Variants in ASGR2 observed in about 807,000 individuals in gnomAD.
ASGR2 encodes asialoglycoprotein receptor 2.
Under a neutral mutation model 32.3 loss-of-function variants are expected in ASGR2, and 34 were observed. The ratio of observed to expected loss-of-function variants is 1.05; its 90% confidence interval spans 0.80 to 1.40. The LOEUF (loss-of-function observed/expected upper bound fraction) is 1.40, where lower values mean the gene tolerates loss of function less well. ASGR2 is among the 40% of genes most tolerant of loss of function. The pLI, the probability that ASGR2 is intolerant of heterozygous loss-of-function variation, is 0.00. For synonymous variants in ASGR2, 143 were observed against 150.0 expected, an observed-to-expected ratio of 0.95 and a Z score of 0.34; for missense variants, 385 against 386.4, an observed-to-expected ratio of 1.00 and a Z score of 0.03.
chr17:7,102,047 C>T, intron 8 of ASGR2, 43 bp downstream of exon 8: 1 of 1,578,386 alleles, frequency 6.3e-7, no homozygotes, highest in Non-Finnish European at 8.7e-7. Context: ...GGGGGCTGTC[C>T]CCAGAGAAAT....
rs142091079 is a variant in ASGR2, at chr17:7,110,774, A to G, written c.125-1886T>C. ...CCCCAGAAACAATCAAAACAAAAAC[A>G]GACAACTATAGAACATGGCAGCTTT... is the stretch of plus-strand genomic sequence containing the variant. On this transcript the variant is annotated intron_variant, in intron 2 of 8. Coordinates refer to ENST00000691900, the MANE Select transcript of ASGR2 (RefSeq NM_001201352.2). Among the ~76,000 whole-genome samples, 4 of 152,354 alleles carry G rather than the reference A, an allele frequency of 2.6e-5. No homozygotes were observed. The East Asian group carries it at 7.7e-4, about 29-fold the overall frequency.
At position 7,107,757 on chromosome 17, in the gene ASGR2, C is replaced by T. The variant is rs769568182; in HGVS notation, c.409+79G>A. 1 of 521,168 alleles carries T rather than the reference C, an allele frequency of 1.9e-6. No homozygotes were observed. The highest frequency in any genetic ancestry group is 3.0e-6 in the Non-Finnish European group (1 of 337,158). The allele number at this position is 521,168 out of a possible 1,614,324, so 32.3% of individuals were successfully genotyped here. A position where few individuals can be genotyped will look rare whatever the true frequency, so the allele number is the denominator to read the frequency against. On this transcript the variant is annotated intron_variant, in intron 5 of 8. Coordinates refer to ENST00000691900, the MANE Select transcript of ASGR2 (RefSeq NM_001201352.2). This position sits in a 1 kb window ranked among gnomAD's most constrained non-coding sequence, Gnocchi z 5.0. The stretch of plus-strand genomic sequence containing the variant: ...CGCACGCACACGTGCACACTACACA[C>T]ACCGCACACGTACACACTACACACA...
Position 7,114,117 on chromosome 17 carries a change from C to T in ASGR2, c.124G>A (p.Gly42Arg). Residue 42 changes from glycine (G) to arginine (R), a missense_variant and splice_region_variant, in exon 2 of 9, where the codon GGG (glycine) becomes AGG (arginine). Coordinates refer to ENST00000691900, the MANE Select transcript of ASGR2 (RefSeq NM_001201352.2). The surrounding 1 kb of genome is among the most constrained non-coding windows in gnomAD (Gnocchi z 4.5). ...NPRRGNPFLK[G>R]PPPAQPLAQR... ...AAAGCCGCAGAAACTGCACACTTGC[C>T]TTTCAAAAATGGATTTCCTCTCCTG... 1 of 1,614,198 alleles carries T rather than the reference C, an allele frequency of 6.2e-7. No individual in the cohort carries two copies. The highest frequency in any genetic ancestry group is 8.5e-7 in the Non-Finnish European group (1 of 1,180,018).
rs1199738724 is a variant in ASGR2, at chr17:7,113,838, C to G, written c.124+279G>C. Among the ~76,000 whole-genome samples the G allele has an allele frequency of 6.6e-6, 1 of 152,160 alleles. No homozygotes were observed. Among genetic ancestry groups the G allele is most frequent in the Non-Finnish European group, 1.5e-5 (1 of 68,042 alleles). ...CAGAGTCCCAGCTGAATCTGCATTCCTCATATGCACATACGTGCACACGCA... is the reference window on the plus strand; with the variant it reads ...CAGAGTCCCAGCTGAATCTGCATTCGTCATATGCACATACGTGCACACGCA... On this transcript the variant is annotated intron_variant, in intron 2 of 8. Transcript: ENST00000691900. This position sits in a 1 kb window ranked among gnomAD's most constrained non-coding sequence, Gnocchi z 5.1.
rs1915225266 is a variant in ASGR2 at position 7,114,491 on chromosome 17, G to A, written c.-71+124C>T. Reference sequence around the variant, plus strand: ...CGCTTGGGCCTTGACCTGGCCAGGAGACCCCTCCCCACGCTCATGGACCCG... The same window carrying A: ...CGCTTGGGCCTTGACCTGGCCAGGAAACCCCTCCCCACGCTCATGGACCCG... On this transcript the variant is annotated intron_variant, in intron 1 of 8. Coordinates refer to ENST00000691900, the MANE Select transcript of ASGR2 (RefSeq NM_001201352.2). This position sits in a 1 kb window ranked among gnomAD's most constrained non-coding sequence, Gnocchi z 4.5. 7.5e-7 allele frequency: 1 copy of A among 1,325,368 alleles called. No homozygotes were observed. The highest frequency in any genetic ancestry group is 3.4e-5 in the Admixed American group (1 of 29,446). 82.1% of individuals were successfully genotyped at this position (1,325,368 alleles called of 1,614,324 possible).
rs142266796 is a variant in ASGR2, at chr17:7,113,525, CAT to C, written c.124+590_124+591del. 0.18 allele frequency among the ~76,000 whole-genome samples: 25,235 copies of C among 141,694 alleles called. 2,548 individuals are homozygous for C. The highest frequency in any genetic ancestry group is 0.34 in the South Asian group (1,493 of 4,382). The allele number at this position is 141,694 out of a possible 152,430, so 93.0% of individuals were successfully genotyped here. A position where few individuals can be genotyped will look rare whatever the true frequency, so the allele number is the denominator to read the frequency against. ...ACATACACAACGTACACACACACAACATACACACACTCATACACAACATACAT... is the reference window on the plus strand; with the variant it reads ...ACATACACAACGTACACACACACAACACACACACTCATACACAACATACAT... On this transcript the variant is annotated intron_variant, in intron 2 of 8. Transcript: ENST00000691900. This position sits in a 1 kb window ranked among gnomAD's most constrained non-coding sequence, Gnocchi z 5.1.
chr17:7,108,028 C>G lies in ASGR2; in HGVS notation c.338-121G>C. ...GGCGTCCACCTCCTGGCTTCCTGGACCACACCCAGGCTCCCTGCACTGCCA... is the reference window on the plus strand; with the variant it reads ...GGCGTCCACCTCCTGGCTTCCTGGAGCACACCCAGGCTCCCTGCACTGCCA... On this transcript the variant is annotated intron_variant, in intron 4 of 8. Transcript: ENST00000691900. The surrounding 1 kb of genome is among the most constrained non-coding windows in gnomAD (Gnocchi z 4.9). 1 of 1,082,434 alleles carries G rather than the reference C, an allele frequency of 9.2e-7. No homozygotes were observed. Among genetic ancestry groups the G allele is most frequent in the East Asian group, 2.6e-5 (1 of 38,880 alleles). 67.1% of individuals were successfully genotyped at this position (1,082,434 alleles called of 1,614,324 possible).
chr17:7,105,949 C>T (rs900725117), intron 7 of ASGR2, among the ~76,000 whole-genome samples: 12 of 151,922 alleles, frequency 7.9e-5, no homozygotes, highest in South Asian at 2.1e-4. Context: ...CCACCATGCC[C>T]GGCTAATTTT....
Position 7,102,170 on chromosome 17 carries a change from G to A in ASGR2, c.675C>T (p.Pro225=), listed in dbSNP as rs1454877062. ...CCGTGAGACCTATCCAGGTATTGAAGGGGTTCGTGTGTTGTACAATGAATT... is the reference window on the plus strand; with the variant it reads ...CCGTGAGACCTATCCAGGTATTGAAAGGGTTCGTGTGTTGTACAATGAATT... ...EQKFIVQHTN[P]FNTWIGLTDS... Residue 225 remains proline, a synonymous_variant, in exon 8 of 9, where the codon CCC becomes CCT. Transcript: ENST00000691900. The A allele has an allele frequency of 1.2e-6, 2 of 1,614,132 alleles. No homozygotes were observed. The highest frequency in any genetic ancestry group is 1.7e-6 in the Non-Finnish European group (2 of 1,180,012).
At chr17:7,102,024 G>A (rs1912900106) in intron 8 of ASGR2, 66 bp downstream of exon 8, 1 of 1,491,102 alleles carries the variant, frequency 6.7e-7, no homozygotes, top group East Asian at 2.3e-5. Flanking sequence ...GGGTAGCTTG[G>A]AGTGAAAGGC....
chr17:7,111,330 C>T (rs1385761267), intron 2 of ASGR2, among the ~76,000 whole-genome samples: 1 of 152,160 alleles, frequency 6.6e-6, no homozygotes, highest in African/African-American at 2.4e-5. Context: ...CCCAGGTGAA[C>T]TTCTAGAGAT....
Position 7,101,663 on chromosome 17 carries a change from G to A in ASGR2, c.833C>T (p.Pro278Leu), listed in dbSNP as rs369532672. The A allele has an allele frequency of 9.7e-5, 156 of 1,614,072 alleles. No homozygotes were observed. Among genetic ancestry groups the A allele is most frequent in the Admixed American group, 4.8e-4 (29 of 60,014 alleles). The change falls in exon 9 of 9, where the codon CCG becomes CTG. Residue 278 changes from proline (P) to leucine (L), a missense_variant. Pro to Leu is a moderately conservative substitution (Grantham distance 98, BLOSUM62 -3). Coordinates refer to ENST00000691900, the MANE Select transcript of ASGR2 (RefSeq NM_001201352.2). ...GAAGTCATCGTTCCAGCGGCCATCCGGCTGGACTTCAACACAGTCTTCACT... is the reference window on the plus strand; with the variant it reads ...GAAGTCATCGTTCCAGCGGCCATCCAGCTGGACTTCAACACAGTCTTCACT... ...GGSEDCVEVQ[P>L]DGRWNDDFCL...
rs1489813158 is a variant in ASGR2 at position 7,101,483 on chromosome 17, G to C, written c.*92C>G. 2 of 1,517,914 alleles carry C rather than the reference G, an allele frequency of 1.3e-6. No individual in the cohort carries two copies. Among genetic ancestry groups the C allele is most frequent in the African/African-American group, 1.4e-5 (1 of 72,746 alleles). 94.0% of individuals were successfully genotyped at this position (1,517,914 alleles called of 1,614,324 possible). ...TTGCTCAGCTCTTCCCCATACCCCTGTCTCAGTGTTTCTTCCTTTCCTCAA... is the reference window on the plus strand; with the variant it reads ...TTGCTCAGCTCTTCCCCATACCCCTCTCTCAGTGTTTCTTCCTTTCCTCAA... On this transcript the variant is annotated 3_prime_UTR_variant, in exon 9 of 9. Transcript: ENST00000691900.
intron 2 of ASGR2, among the ~76,000 whole-genome samples, chr17:7,112,261 G>A (rs1184437378): frequency 1.3e-5 from 2 of 151,654 alleles, no homozygotes; most frequent in Non-Finnish European, 2.9e-5. Flanking sequence ...AAAAAATCAA[G>A]TGCTGAGACA....
In ASGR2 at chr17:7,102,102, C is replaced by T. The variant is rs778643218; in HGVS notation, c.743G>A (p.Arg248Lys). ...AGAGGCCACTTACTTGTAGTTGTGCCTATAGTCTGTGCCATCCACCCATTT... is the reference window on the plus strand; with the variant it reads ...AGAGGCCACTTACTTGTAGTTGTGCTTATAGTCTGTGCCATCCACCCATTT... ...SWKWVDGTDYRHNYKNWAVTQ... is the reference protein window; with the variant it reads ...SWKWVDGTDYKHNYKNWAVTQ... Residue 248 changes from arginine (R) to lysine (K), a missense_variant, in exon 8 of 9, where the codon AGG becomes AAG. Physicochemically the swap from Arg to Lys is conservative, Grantham distance 26. Coordinates refer to ENST00000691900, the MANE Select transcript of ASGR2 (RefSeq NM_001201352.2). The T allele has an allele frequency of 3.1e-6, 5 of 1,613,934 alleles. No homozygotes were observed. In the Admixed American group the frequency reaches 6.7e-5, roughly 22 times the overall value.
rs1597383249 is a variant in ASGR2 at position 7,107,596 on chromosome 17, A to G, written c.409+240T>C. The G allele has an allele frequency of 6.2e-6, 4 of 646,300 alleles. No homozygotes were observed. The East Asian group carries it at 1.1e-4, about 18-fold the overall frequency. 40.0% of individuals were successfully genotyped at this position (646,300 alleles called of 1,614,324 possible). On this transcript the variant is annotated intron_variant, in intron 5 of 8. Coordinates refer to ENST00000691900, the MANE Select transcript of ASGR2 (RefSeq NM_001201352.2). The surrounding 1 kb of genome is among the most constrained non-coding windows in gnomAD (Gnocchi z 5.0). ...CCGCACACACACAGACTCATCTCACACACACCACCACACATGCATACACAC... is the reference window on the plus strand; with the variant it reads ...CCGCACACACACAGACTCATCTCACGCACACCACCACACATGCATACACAC...
intron 7 of ASGR2, among the ~76,000 whole-genome samples, chr17:7,103,782 T>G (rs1330779395): frequency 6.6e-6 from 1 of 152,188 alleles, no homozygotes; most frequent in Non-Finnish European, 1.5e-5. Flanking sequence ...GAACAGTTTC[T>G]TTTTTATTAT....
intron 2 of ASGR2, 128 bp from the exon 3 acceptor site, chr17:7,109,016 T>C: frequency 1.1e-6 from 1 of 873,986 alleles, no homozygotes. Flanking sequence ...GGGGGGGTCA[T>C]CATAGGCTTT....
chr17:7,106,281 A>G (rs557354408), intron 7 of ASGR2, among the ~76,000 whole-genome samples: 5 of 152,336 alleles, frequency 3.3e-5, no homozygotes, highest in Admixed American at 1.3e-4. Flanking sequence ...TGGTATTTAT[A>G]TATCAGATAA....
Sources: allele counts gnomAD v4.1 joint callset (sites outside exome capture counted in the v4.1 genomes callset), GRCh38; gene constraint gnomAD v4.1.1; non-coding constraint Gnocchi (gnomAD v3.1); transcripts MANE v1.5; gene names NCBI Gene and HGNC (gene_info 2026-07-23, HGNC 2026-07-21).